NAV1: variants seen among roughly 807,000 people sequenced by gnomAD.
The protein encoded by NAV1 is pore membrane and/or filament interacting like protein 3.
NAV1 carries 18 observed loss-of-function variants against 175.2 expected under a neutral mutation model. The observed-to-expected ratio is 0.10, with a 90% CI of 0.07 to 0.15. The LOEUF is 0.15. NAV1 is among the 10% of genes least tolerant of loss of function. The probability of loss-of-function intolerance (pLI) is 1.00; values close to 1 mark genes in which losing one functional copy is unlikely to be tolerated. For synonymous variants in NAV1, 897 were observed against 978.7 expected, an observed-to-expected ratio of 0.92 and a Z score of 1.56; for missense variants, 1,731 against 2,436.6, an observed-to-expected ratio of 0.71 and a Z score of 6.10.
chr1:201,722,385 T>C (rs1234595820), intron 3 of NAV1, among the ~76,000 whole-genome samples: 2 of 152,242 alleles, frequency 1.3e-5, no homozygotes, highest in African/African-American at 4.8e-5. Flanking sequence ...AATGACTGGC[T>C]TATTTACTTA....
chr1:201,669,631 G>T lies in NAV1; in HGVS notation c.757+20206G>T, dbSNP rs574830354. Among the ~76,000 whole-genome samples the T allele has an allele frequency of 3.4e-4, 52 of 152,350 alleles. 2 individuals are homozygous for T. The highest frequency in any genetic ancestry group is 2.5e-3 in the Admixed American group (39 of 15,312). ...TTTGTGTTTTTCCAAAGTCACTGAG[G>T]CTGCTGTGGGGAGAGTAAGTGAGAG... On this transcript the variant is annotated intron_variant, in intron 1 of 29. Coordinates refer to ENST00000367296, the Ensembl canonical transcript of NAV1.
At chr1:201,696,363 A>G (rs1314382303) in intron 1 of NAV1, among the ~76,000 whole-genome samples, 1 of 152,210 alleles carries the variant, frequency 6.6e-6, no homozygotes, top group African/African-American at 2.4e-5. Flanking sequence ...CAAGCAGGCG[A>G]CACAACCTGC....
chr1:201,666,870 C>T (rs546395369), intron 1 of NAV1, among the ~76,000 whole-genome samples: 1 of 152,250 alleles, frequency 6.6e-6, no homozygotes, highest in South Asian at 2.1e-4. Context: ...GCAGAACCAG[C>T]AGGCAGCCAC....
intron 2 of NAV1, among the ~76,000 whole-genome samples, chr1:201,605,344 A>T (rs1256176510): frequency 6.6e-6 from 1 of 151,910 alleles, no homozygotes; most frequent in African/African-American, 2.4e-5. Context: ...GACAACAAGT[A>T]TTGCCAAAAG....
chr1:201,732,221 C>T (rs544469170), intron 3 of NAV1, among the ~76,000 whole-genome samples: 4 of 152,294 alleles, frequency 2.6e-5, no homozygotes, highest in Non-Finnish European at 1.5e-5. Flanking sequence ...GCAATCCTCC[C>T]GCCTCAGCCT....
chr1:201,643,281 TTC>T (rs1419647831), upstream of NAV1, among the ~76,000 whole-genome samples: 9 of 145,350 alleles, frequency 6.2e-5, no homozygotes, highest in African/African-American at 1.9e-4. Context: ...CTCTCTTTCT[TTC>T]TTTCTTCCCT....
At chr1:201,648,355 A>G (rs2102329587) in exon 1 of NAV1, 2 of 1,197,602 alleles carry the variant, frequency 1.7e-6, no homozygotes, top group African/African-American at 1.6e-5. Context: ...CCTTTGACTG[A>G]TTTTTAAATT....
chr1:201,811,668 G>A, exon 25 of NAV1: 4 of 1,614,082 alleles, frequency 2.5e-6, no homozygotes, highest in Non-Finnish European at 2.5e-6. Flanking sequence ...TTGGGGATGT[G>A]CCCCTGGTGA....
At chr1:201,600,481 T>G (rs1422682199) in intron 2 of NAV1, among the ~76,000 whole-genome samples, 3 of 152,208 alleles carry the variant, frequency 2.0e-5, no homozygotes, top group African/African-American at 7.2e-5. Context: ...CCAAATACAG[T>G]CTATACTTTA....
chr1:201,580,797 T>G (rs1330388026), intron 1 of NAV1, among the ~76,000 whole-genome samples: 1 of 151,664 alleles, frequency 6.6e-6, no homozygotes, highest in Non-Finnish European at 1.5e-5. Context: ...GAATATGAGA[T>G]ATTCTGGAGG....
At chr1:201,720,297 C>T (rs375690302) in intron 3 of NAV1, among the ~76,000 whole-genome samples, 3 of 152,324 alleles carry the variant, frequency 2.0e-5, no homozygotes, top group East Asian at 1.9e-4. Flanking sequence ...ACAAGCCCTG[C>T]GGGGCTGAGT....
At chr1:201,650,230 T>C (rs1558037307) in intron 1 of NAV1, among the ~76,000 whole-genome samples, 1 of 152,104 alleles carries the variant, frequency 6.6e-6, no homozygotes, top group Non-Finnish European at 1.5e-5. Flanking sequence ...AGCTGTTCCA[T>C]TGTTCTCCGT....
rs1261572025 is a variant in NAV1, at chr1:201,551,967, T to TGCCACATCACCCCTCTTAGTCATCTC, written c.-144+12626_-144+12651dup. Among the ~76,000 whole-genome samples, 5 of 152,304 alleles carry TGCCACATCACCCCTCTTAGTCATCTC rather than the reference T, an allele frequency of 3.3e-5. No homozygotes were observed. The East Asian group carries it at 9.6e-4, about 29-fold the overall frequency. On this transcript the variant is annotated intron_variant, in intron 1 of 33. Transcript: ENST00000685211. Reference sequence around the variant, plus strand: ...TCCTTACTAAATGTCATCACAAAGATGCCACATCACCCCTCTTAGTCATCT... The same window carrying TGCCACATCACCCCTCTTAGTCATCTC: ...TCCTTACTAAATGTCATCACAAAGATGCCACATCACCCCTCTTAGTCATCTCGCCACATCACCCCTCTTAGTCATCT...
At chr1:201,568,811 G>T (rs1015972179) in intron 1 of NAV1, among the ~76,000 whole-genome samples, 1 of 152,106 alleles carries the variant, frequency 6.6e-6, no homozygotes, top group Non-Finnish European at 1.5e-5. Flanking sequence ...GCTGCTCACC[G>T]ACTCCCTCTT....
intron 1 of NAV1, among the ~76,000 whole-genome samples, chr1:201,691,962 C>A (rs1408782403): frequency 1.3e-5 from 2 of 152,220 alleles, no homozygotes; most frequent in Non-Finnish European, 2.9e-5. Context: ...GAAGCCAGCC[C>A]AGAAAGGGAG....
chr1:201,583,962 A>C (rs1381353253), intron 1 of NAV1, among the ~76,000 whole-genome samples: 2 of 152,216 alleles, frequency 1.3e-5, no homozygotes, highest in Non-Finnish European at 2.9e-5. Context: ...CTGTACTCCA[A>C]CTTCGTCCTC....
chr1:201,681,101 T>C (rs1172494931), intron 1 of NAV1, among the ~76,000 whole-genome samples: 1 of 152,160 alleles, frequency 6.6e-6, no homozygotes, highest in African/African-American at 2.4e-5. Flanking sequence ...GCCTTCCTAA[T>C]GCACAGCTGA....
At chr1:201,821,599 CATT>C (rs1393458889) in exon 30 of NAV1, 1 of 152,162 alleles carries the variant, frequency 6.6e-6, no homozygotes, top group East Asian at 2.0e-4. Context: ...TGTTAACCTC[CATT>C]CAGCTACGCC....
At chr1:201,756,514 C>T (rs1232782068) in intron 3 of NAV1, among the ~76,000 whole-genome samples, 1 of 152,194 alleles carries the variant, frequency 6.6e-6, no homozygotes, top group Non-Finnish European at 1.5e-5. Flanking sequence ...AACATTTGGT[C>T]TCTCTGGCCA....
Sources: allele counts gnomAD v4.1 joint callset (sites outside exome capture counted in the v4.1 genomes callset), GRCh38; gene constraint gnomAD v4.1.1; transcripts MANE v1.5; gene names NCBI Gene and HGNC (gene_info 2026-07-23, HGNC 2026-07-21).